The following QKI variants were observed in gnomAD, a reference collection of about 807,000 sequenced individuals.
The protein encoded by QKI is QKI, KH domain containing RNA binding.
In QKI, 10 loss-of-function variants were observed where a neutral mutation model predicts 39.0. The ratio of observed to expected loss-of-function variants is 0.26; its 90% CI spans 0.16 to 0.43. QKI has a LOEUF of 0.43. QKI is among the 20% of genes least tolerant of loss of function. The pLI is 1.00. For synonymous variants in QKI, 204 were observed against 155.4 expected, an observed-to-expected ratio of 1.31 and a Z score of -2.33; for missense variants, 218 against 428.0, an observed-to-expected ratio of 0.51 and a Z score of 4.33.
At chr6:163,549,291 AG>A (rs1286165312) in intron 4 of QKI, among the ~76,000 whole-genome samples, 1 of 152,176 alleles carries the variant, frequency 6.6e-6, no homozygotes, top group Non-Finnish European at 1.5e-5. Context: ...GGGGATATGC[AG>A]GAAGTATGGA....
At chr6:163,505,386 CTA>C (rs1207641542) in intron 3 of QKI, among the ~76,000 whole-genome samples, 2 of 152,226 alleles carry the variant, frequency 1.3e-5, no homozygotes, top group East Asian at 3.8e-4. Context: ...ACAGCTTGCA[CTA>C]TGTGCCTAGA....
intron 3 of QKI, among the ~76,000 whole-genome samples, chr6:163,530,534 T>G (rs2128240053): frequency 6.6e-6 from 1 of 152,356 alleles, no homozygotes; most frequent in East Asian, 1.9e-4. Flanking sequence ...AAATAGTATT[T>G]GTATTAAATA....
chr6:163,547,769 A>G (rs995396239), intron 4 of QKI, among the ~76,000 whole-genome samples: 3 of 151,964 alleles, frequency 2.0e-5, no homozygotes, highest in Non-Finnish European at 4.4e-5. Context: ...AATAGCACAT[A>G]TCTTTTCTCC....
intron 3 of QKI, among the ~76,000 whole-genome samples, chr6:163,522,584 G>A (rs568720248): frequency 1.2e-4 from 18 of 152,128 alleles, no homozygotes; most frequent in African/African-American, 4.3e-4. Flanking sequence ...AAAATTCAGG[G>A]TTTGGAGCAA....
chr6:163,422,983 A>G (rs1485996115), intron 1 of QKI, among the ~76,000 whole-genome samples: 17 of 152,226 alleles, frequency 1.1e-4, no homozygotes, highest in Admixed American at 1.1e-3. Flanking sequence ...GCATAGTAAG[A>G]AAACAAACAT....
At chr6:163,449,872 C>A (rs1790417788) in intron 1 of QKI, among the ~76,000 whole-genome samples, 1 of 151,946 alleles carries the variant, frequency 6.6e-6, no homozygotes, top group Admixed American at 6.6e-5. Flanking sequence ...ATTTCTCACC[C>A]CATATTTTTT....
chr6:163,444,031 T>C (rs1789953818), intron 1 of QKI, among the ~76,000 whole-genome samples: 1 of 152,152 alleles, frequency 6.6e-6, no homozygotes, highest in African/African-American at 2.4e-5. Context: ...GGAATCTAAT[T>C]ACATGAGGAT....
At position 163,533,762 on chromosome 6, in the gene QKI, C is replaced by T. The variant is rs1781025355; in HGVS notation, c.403-1220C>T. Among the ~76,000 whole-genome samples the T allele has an allele frequency of 1.3e-5, 2 of 152,144 alleles. 1 individual carries two copies. The highest frequency in any genetic ancestry group is 4.1e-4 in the South Asian group (2 of 4,828). On this transcript the variant is annotated intron_variant, in intron 3 of 7. Transcript: ENST00000361752. ...ACTCTTTGGAAATACATAGATGGCC[C>T]AGCATAGGATTGTGTCTGATTTTTT...
At chr6:163,500,919 T>C (rs1778717268) in intron 3 of QKI, among the ~76,000 whole-genome samples, 1 of 152,236 alleles carries the variant, frequency 6.6e-6, no homozygotes, top group South Asian at 2.1e-4. Context: ...ACTTATGAAG[T>C]ACAAATTCTC....
intron 4 of QKI, among the ~76,000 whole-genome samples, chr6:163,560,342 T>C (rs1354351778): frequency 6.6e-6 from 1 of 152,190 alleles, no homozygotes; most frequent in African/African-American, 2.4e-5. Context: ...GAAACCATGT[T>C]GAAAGCAGTG....
chr6:163,490,358 A>G (rs927435793), intron 3 of QKI, among the ~76,000 whole-genome samples: 2 of 152,200 alleles, frequency 1.3e-5, no homozygotes, highest in South Asian at 2.1e-4. Flanking sequence ...CCCTCAAGGA[A>G]CTTTCACCCC....
Position 163,488,990 on chromosome 6 carries a change from TAAAC to T in QKI, c.402+10096_402+10099del, listed in dbSNP as rs1402789512. Among the ~76,000 whole-genome samples, 100 of 149,500 alleles carry T rather than the reference TAAAC, an allele frequency of 6.7e-4. 2 individuals are homozygous for T. In the South Asian group the frequency reaches 0.02, roughly 30 times the overall value. Reference sequence around the variant, plus strand: ...TTCCATTTCTTTTTTTTTTTTTTTTTAAACATAAACAGTTATGTAACAGTTTTGT... The same window carrying T: ...TTCCATTTCTTTTTTTTTTTTTTTTTATAAACAGTTATGTAACAGTTTTGT... On this transcript the variant is annotated intron_variant, in intron 3 of 7. Transcript: ENST00000361752.
At chr6:163,533,905 C>G in intron 3 of QKI, among the ~76,000 whole-genome samples, 1 of 152,138 alleles carries the variant, frequency 6.6e-6, no homozygotes, top group Non-Finnish European at 1.5e-5. Flanking sequence ...TGGCTAAGCT[C>G]AATCATGTGA....
rs1783749255 is a variant in QKI at position 163,572,526 on chromosome 6, A to T, written c.*1816A>T. Reference sequence around the variant, plus strand: ...GCATATAAATACTCAACCACATTTCAGCTTAAGCTTCTAATTTCTCAAGAA... The same window carrying T: ...GCATATAAATACTCAACCACATTTCTGCTTAAGCTTCTAATTTCTCAAGAA... On this transcript the variant is annotated 3_prime_UTR_variant, in exon 8 of 8. Transcript: ENST00000361752. 2 of 151,970 alleles carry T rather than the reference A, an allele frequency of 1.3e-5. No homozygotes were observed. The highest frequency in any genetic ancestry group is 2.9e-5 in the Non-Finnish European group (2 of 68,024). 9.4% of individuals were successfully genotyped at this position (151,970 alleles called of 1,614,324 possible).
intron 4 of QKI, among the ~76,000 whole-genome samples, chr6:163,544,166 A>T (rs979460397): frequency 3.9e-5 from 6 of 152,100 alleles, no homozygotes; most frequent in Non-Finnish European, 7.4e-5. Context: ...CAGAGTTTCA[A>T]AGAGAGCAAA....
At chr6:163,472,433 G>C (rs1347620225) in intron 2 of QKI, among the ~76,000 whole-genome samples, 3 of 151,940 alleles carry the variant, frequency 2.0e-5, no homozygotes, top group Non-Finnish European at 4.4e-5. Context: ...TGTCATACTT[G>C]GTGTAATATT....
At position 163,457,276 on chromosome 6, in the gene QKI, G is replaced by T. The variant is rs140691070; in HGVS notation, c.285+1855G>T. 1.7e-3 allele frequency: 790 copies of T among 455,276 alleles called. 6 individuals are homozygous for T. The highest frequency in any genetic ancestry group is 0.014 in the African/African-American group (713 of 50,112). The allele number at this position is 455,276 out of a possible 1,614,324, so 28.2% of individuals were successfully genotyped here. A position where few individuals can be genotyped will look rare whatever the true frequency, so the allele number is the denominator to read the frequency against. On this transcript the variant is annotated intron_variant, in intron 2 of 7. Coordinates refer to ENST00000361752, the MANE Select transcript of QKI (RefSeq NM_006775.3). ...AAAAGAAATCCTATTCAAGGAAGGGGTATTTATGCATTCTTTAAAAGACAT... is the reference window on the plus strand; with the variant it reads ...AAAAGAAATCCTATTCAAGGAAGGGTTATTTATGCATTCTTTAAAAGACAT...
intron 3 of QKI, among the ~76,000 whole-genome samples, chr6:163,532,580 A>C: frequency 6.6e-6 from 1 of 152,166 alleles, no homozygotes; most frequent in South Asian, 2.1e-4. Context: ...CAATGCTTAG[A>C]TTAGGTTTAG....
intron 3 of QKI, among the ~76,000 whole-genome samples, chr6:163,517,054 A>T (rs866964118): frequency 4.0e-4 from 33 of 82,370 alleles, no homozygotes; most frequent in African/African-American, 5.1e-4. Context: ...ACACACACAC[A>T]CTCACTCTCT....
Sources: gnomAD v4.1 joint callset for allele counts (sites outside exome capture counted in the v4.1 genomes callset) on GRCh38, gnomAD v4.1.1 for gene constraint, MANE v1.5 for transcripts, NCBI Gene and HGNC (gene_info 2026-07-23, HGNC 2026-07-21) for gene names.